Variants in MPDZ observed in about 807,000 individuals in gnomAD.
MPDZ encodes the protein multiple PDZ domain protein.
Under a neutral mutation model 239.1 loss-of-function variants are expected in MPDZ, and 234 were observed. The ratio of observed to expected loss-of-function variants is 0.98; its 90% CI spans 0.88 to 1.09. The LOEUF (loss-of-function observed/expected upper bound fraction) is 1.09, where lower values mean the gene tolerates loss of function less well. Among genes scored for constraint, MPDZ ranks in the 50% least tolerant of loss-of-function variants. MPDZ has a pLI of 0.00. For synonymous variants in MPDZ, 1,048 were observed against 881.3 expected (o/e 1.19, Z -3.35); for missense variants, 3,175 against 2,510.0 (o/e 1.26, Z -5.66).
At chr9:13,177,076 C>G (rs1416067307) in intron 19 of MPDZ, among the ~76,000 whole-genome samples, 1 of 152,114 alleles carries the variant, frequency 6.6e-6, no homozygotes, top group Non-Finnish European at 1.5e-5. Flanking sequence ...CACAGAACCT[C>G]TCTTTATATA....
intron 38 of MPDZ, chr9:13,119,975 C>T (rs115693598): frequency 0.022 from 6,563 of 296,346 alleles, 339 homozygotes; most frequent in South Asian, 0.091. Context: ...ACTTAAGAGT[C>T]AGTCCTTGGA....
chr9:13,162,442 A>C (rs1950596793), intron 23 of MPDZ, among the ~76,000 whole-genome samples: 1 of 152,020 alleles, frequency 6.6e-6, no homozygotes, highest in Admixed American at 6.6e-5. Flanking sequence ...CAACATGTTA[A>C]AAGTGCTACA....
intron 12 of MPDZ, among the ~76,000 whole-genome samples, chr9:13,199,773 CAT>C (rs1257307019): frequency 6.6e-6 from 1 of 151,984 alleles, no homozygotes; most frequent in Non-Finnish European, 1.5e-5. Context: ...TACTGATTGG[CAT>C]ATGTTGAAAC....
chr9:13,109,657 G>A (rs1022588859), intron 45 of MPDZ, among the ~76,000 whole-genome samples: 1 of 152,090 alleles, frequency 6.6e-6, no homozygotes, highest in African/African-American at 2.4e-5. Context: ...TACATGAAGT[G>A]GTAACATCAA....
intron 1 of MPDZ, among the ~76,000 whole-genome samples, chr9:13,261,337 T>C (rs1970640920): frequency 6.6e-6 from 1 of 152,174 alleles, no homozygotes; most frequent in Non-Finnish European, 1.5e-5. Context: ...GATCTCCATT[T>C]TTACAATGAA....
chr9:13,253,106 A>G (rs956840446), intron 1 of MPDZ, among the ~76,000 whole-genome samples: 3 of 152,258 alleles, frequency 2.0e-5, no homozygotes, highest in Non-Finnish European at 2.9e-5. Context: ...AAGTCTGCAG[A>G]GAAAGTACAG....
chr9:13,279,257 A>ACCCCCCCCCCCACCCCCG (rs1320971173), intron 1 of MPDZ, 143 bp downstream of exon 1: 1 of 23,942 alleles, frequency 4.2e-5, no homozygotes. Flanking sequence ...CCCTACCCCC[A>ACCCCCCCCCCCACCCCCG]CCCCCACCCC....
At chr9:13,129,628 A>G (rs543285179) in intron 32 of MPDZ, among the ~76,000 whole-genome samples, 5 of 152,200 alleles carry the variant, frequency 3.3e-5, no homozygotes, top group Non-Finnish European at 5.9e-5. Flanking sequence ...TAGCAAGAAG[A>G]GATCTGAGAT....
chr9:13,260,522 T>A (rs1970448264), intron 1 of MPDZ, among the ~76,000 whole-genome samples: 1 of 152,184 alleles, frequency 6.6e-6, no homozygotes, highest in African/African-American at 2.4e-5. Context: ...ACGATGTTGC[T>A]ATGGAATGAA....
In MPDZ at chr9:13,113,002, C is replaced by G. The variant is rs377025202; in HGVS notation, c.5601+9G>C. 2 of 1,580,758 alleles carry G rather than the reference C, an allele frequency of 1.3e-6. No individual in the cohort carries two copies. On this transcript the variant is annotated intron_variant, in intron 42 of 46. Coordinates refer to ENST00000319217, the MANE Select transcript of MPDZ (RefSeq NM_001378778.1). ...CCAGGGTTTATATTGTTTTCTCTCC[C>G]CAAGTTACCTTTTTCATTTCGACTG... is the stretch of plus-strand genomic sequence containing the variant.
chr9:13,247,927 T>C (rs1366811056), intron 2 of MPDZ, 126 bp from the exon 3 acceptor site: 3 of 955,482 alleles, frequency 3.1e-6, no homozygotes, highest in East Asian at 4.9e-5. Context: ...CTCTTTTAAA[T>C]TGAATAAAAA....
At chr9:13,114,944 TTTG>T (rs1943145569) in intron 40 of MPDZ, among the ~76,000 whole-genome samples, 1 of 151,948 alleles carries the variant, frequency 6.6e-6, no homozygotes, top group Non-Finnish European at 1.5e-5. Context: ...TAATAAAAAA[TTTG>T]TTATCTTGGT....
At chr9:13,250,025 T>A (rs927006899) in intron 2 of MPDZ, among the ~76,000 whole-genome samples, 1 of 152,226 alleles carries the variant, frequency 6.6e-6, no homozygotes, top group Non-Finnish European at 1.5e-5. Flanking sequence ...TAAATCAGAA[T>A]TGGGCTTACA....
At chr9:13,211,186 T>C (rs1174186056) in intron 10 of MPDZ, among the ~76,000 whole-genome samples, 1 of 152,074 alleles carries the variant, frequency 6.6e-6, no homozygotes, top group Non-Finnish European at 1.5e-5. Context: ...ATTATTTTGA[T>C]TGGCCACAGG....
Position 13,106,747 on chromosome 9 carries a change from CTCTT to C in MPDZ, c.*214_*217del. On this transcript the variant is annotated 3_prime_UTR_variant, in exon 47 of 47. Transcript: ENST00000319217. Reference sequence around the variant, plus strand: ...AGATTCACCTACACAAATATTCCTTCTCTTTAAGTTCACAAAATGCAAGAAGAAA... The same window carrying C: ...AGATTCACCTACACAAATATTCCTTCTAAGTTCACAAAATGCAAGAAGAAA... The C allele has an allele frequency of 2.0e-6, 1 of 497,864 alleles. No homozygotes were observed. Among genetic ancestry groups the C allele is most frequent in the Non-Finnish European group, 3.6e-6 (1 of 281,614 alleles). The allele number at this position is 497,864 out of a possible 1,614,324, so 30.8% of individuals were successfully genotyped here. A position where few individuals can be genotyped will look rare whatever the true frequency, so the allele number is the denominator to read the frequency against.
chr9:13,211,108 G>T (rs1957567224), intron 10 of MPDZ, among the ~76,000 whole-genome samples: 1 of 151,944 alleles, frequency 6.6e-6, no homozygotes, highest in African/African-American at 2.4e-5. Flanking sequence ...TATGCCAGGG[G>T]GTTCATTTGA....
chr9:13,143,680 C>G (rs1948052999), intron 26 of MPDZ, 116 bp from the exon 27 acceptor site: 1 of 776,170 alleles, frequency 1.3e-6, no homozygotes, highest in Middle Eastern at 2.5e-4. Flanking sequence ...TAGATCCTAT[C>G]AGATCCAGTC....
chr9:13,107,539 G>C (rs1017756865), intron 46 of MPDZ, among the ~76,000 whole-genome samples: 4 of 152,170 alleles, frequency 2.6e-5, no homozygotes, highest in African/African-American at 9.7e-5. Context: ...CAAGGGCTTG[G>C]GGGATGACAA....
At chr9:13,192,475 T>C (rs923894936) in intron 14 of MPDZ, among the ~76,000 whole-genome samples, 180 bp from the exon 15 acceptor site, 12 of 152,126 alleles carry the variant, frequency 7.9e-5, no homozygotes, top group African/African-American at 2.9e-4. Flanking sequence ...TAGAGTATTG[T>C]TGGAATTGGA....
Sources: gnomAD v4.1 joint callset for allele counts (sites outside exome capture counted in the v4.1 genomes callset) on GRCh38, gnomAD v4.1.1 for gene constraint, MANE v1.5 for transcripts, NCBI Gene and HGNC (gene_info 2026-07-23, HGNC 2026-07-21) for gene names.